Variants in WDFY3 observed in about 807,000 individuals in gnomAD.
WDFY3 encodes the protein WD repeat and FYVE domain-containing protein 3.
WDFY3 carries 66 observed loss-of-function variants against 409.6 expected under a neutral mutation model. That is an observed-to-expected ratio of 0.16 (90% CI 0.13 to 0.20). The LOEUF (loss-of-function observed/expected upper bound fraction) is 0.20. WDFY3 is among the 10% of genes least tolerant of loss of function. The pLI is 1.00. For synonymous variants in WDFY3, 1,521 were observed against 1,537.1 expected (o/e 0.99, Z 0.25); for missense variants, 3,031 against 4,298.1 (o/e 0.71, Z 8.24).
chr4:84,677,153 T>C (rs1316397570), intron 67 of WDFY3, 46 bp downstream of exon 67: 2 of 1,607,944 alleles, frequency 1.2e-6, no homozygotes, highest in Non-Finnish European at 1.7e-6. Context: ...TTAACAACCT[T>C]AGAGCTTAAT....
intron 4 of WDFY3, 40 bp from the exon 5 acceptor site, chr4:84,850,065 A>C (rs1452795331): frequency 6.5e-7 from 1 of 1,535,098 alleles, no homozygotes; most frequent in African/African-American, 1.4e-5. Context: ...AGCACTGACA[A>C]ATTTTTCTTT....
At chr4:84,789,682 C>T in intron 22 of WDFY3, 44 bp downstream of exon 22, 1 of 1,542,564 alleles carries the variant, frequency 6.5e-7, no homozygotes, top group South Asian at 1.1e-5. Flanking sequence ...CCCCAAACTA[C>T]TACCTTATAA....
chr4:84,713,050 C>T, intron 51 of WDFY3, 109 bp downstream of exon 51: 2 of 1,226,822 alleles, frequency 1.6e-6, no homozygotes, highest in Non-Finnish European at 2.3e-6. Context: ...AAAAAATTTG[C>T]AACCACCAGG....
At chr4:84,939,071 G>C (rs1304616001) in intron 1 of WDFY3, among the ~76,000 whole-genome samples, 2 of 152,124 alleles carry the variant, frequency 1.3e-5, no homozygotes, top group African/African-American at 2.4e-5. Context: ...ATCCAGTCTA[G>C]GGTCAGGTAC....
chr4:84,871,115 G>A (rs759489842), intron 3 of WDFY3, among the ~76,000 whole-genome samples: 14 of 152,188 alleles, frequency 9.2e-5, no homozygotes, highest in Middle Eastern at 3.4e-3. Context: ...CACAGATACA[G>A]GAAGCCCAGA....
chr4:84,691,968 T>C (rs902870811), intron 59 of WDFY3, among the ~76,000 whole-genome samples, 183 bp from the exon 60 acceptor site: 1 of 152,232 alleles, frequency 6.6e-6, no homozygotes, highest in Admixed American at 6.5e-5. Flanking sequence ...GGGTGGAATG[T>C]TCAACCTAAC....
chr4:84,796,740 G>A lies in WDFY3; in HGVS notation c.2948C>T (p.Thr983Ile). ...YEPEMRSSMI[T>I]SLEGLGTDNV... ...ATCAGTACCCAGACCTTCCAGAGAT[G>A]TGATCATACTACCTGTAAGTCAAGG... Residue 983 changes from threonine (T) to isoleucine (I), a missense_variant, in exon 19 of 68, where the codon ACA becomes ATA. By Grantham distance (89) the Thr-to-Ile change is moderately conservative. This residue lies in a region of WDFY3 where 1,322 missense variants were observed against 1,697.9 expected (regional missense o/e 0.78). Coordinates refer to ENST00000295888, the MANE Select transcript of WDFY3 (RefSeq NM_014991.6). The A allele has an allele frequency of 6.2e-7, 1 of 1,612,226 alleles. No homozygotes were observed. The highest frequency in any genetic ancestry group is 8.5e-7 in the Non-Finnish European group (1 of 1,178,864).
At chr4:84,868,155 G>A (rs1020657868) in intron 3 of WDFY3, among the ~76,000 whole-genome samples, 37 of 101,720 alleles carry the variant, frequency 3.6e-4, no homozygotes, top group Non-Finnish European at 5.7e-4. Flanking sequence ...CTGGGTGACA[G>A]AGCGAGACTC....
At chr4:84,896,033 G>A (rs780082541) in intron 3 of WDFY3, among the ~76,000 whole-genome samples, 15 of 151,992 alleles carry the variant, frequency 9.9e-5, no homozygotes, top group Non-Finnish European at 1.8e-4. Flanking sequence ...CGAGGGGGAC[G>A]GATCACGAGG....
At chr4:84,716,242 C>G (rs576365039) in intron 49 of WDFY3, among the ~76,000 whole-genome samples, 20 of 151,062 alleles carry the variant, frequency 1.3e-4, no homozygotes, top group Admixed American at 5.3e-4. Flanking sequence ...TCAAGACCAT[C>G]CTGGCTAACA....
chr4:84,826,018 C>T (rs1239605755), intron 10 of WDFY3, among the ~76,000 whole-genome samples: 3 of 151,978 alleles, frequency 2.0e-5, no homozygotes, highest in Non-Finnish European at 4.4e-5. Flanking sequence ...ATTTATCCTC[C>T]GACCCAAATG....
intron 2 of WDFY3, among the ~76,000 whole-genome samples, chr4:84,922,879 C>A (rs1307529855): frequency 1.3e-5 from 2 of 152,088 alleles, no homozygotes; most frequent in Non-Finnish European, 2.9e-5. Context: ...GCCACCACAC[C>A]CAGCCAAGGA....
intron 2 of WDFY3, among the ~76,000 whole-genome samples, chr4:84,922,315 C>G (rs1436758284): frequency 6.6e-6 from 1 of 152,112 alleles, no homozygotes; most frequent in Non-Finnish European, 1.5e-5. Flanking sequence ...TCTTATATTT[C>G]TTTTCCAGTT....
chr4:84,880,721 ATATAT>A (rs1763413495), intron 3 of WDFY3, among the ~76,000 whole-genome samples: 1 of 97,510 alleles, frequency 1.0e-5, no homozygotes, highest in Non-Finnish European at 2.1e-5. Flanking sequence ...ATATATATAT[ATATAT>A]GTTTTTTTGG....
chr4:84,820,277 A>G (rs1753870585), intron 11 of WDFY3, 91 bp from the exon 12 acceptor site: 1 of 1,094,820 alleles, frequency 9.1e-7, no homozygotes, highest in African/African-American at 1.6e-5. Flanking sequence ...TTATTTCTTC[A>G]GTATTCAGTT....
chr4:84,703,071 T>C (rs1731324570), intron 55 of WDFY3, among the ~76,000 whole-genome samples: 2 of 149,554 alleles, frequency 1.3e-5, no homozygotes, highest in African/African-American at 4.9e-5. Flanking sequence ...CACTCCAGCC[T>C]GGGGGATAGC....
chr4:84,727,228 T>C (rs1350585592), intron 44 of WDFY3, among the ~76,000 whole-genome samples: 1 of 151,868 alleles, frequency 6.6e-6, no homozygotes, highest in Non-Finnish European at 1.5e-5. Context: ...GGCAACTCTT[T>C]ACATTGTTTA....
chr4:84,775,819 T>C (rs1177343654), intron 27 of WDFY3, among the ~76,000 whole-genome samples: 2 of 152,024 alleles, frequency 1.3e-5, no homozygotes, highest in African/African-American at 4.8e-5. Flanking sequence ...CTGACATCTT[T>C]AATGTGTGAA....
chr4:84,803,612 T>G, intron 15 of WDFY3, 145 bp from the exon 16 acceptor site: 1 of 876,468 alleles, frequency 1.1e-6, no homozygotes. Flanking sequence ...TATTATCAAC[T>G]CGAGTTGATA....
Sources: gnomAD v4.1 joint callset for allele counts (sites outside exome capture counted in the v4.1 genomes callset) on GRCh38, gnomAD v4.1.1 for gene constraint, gnomAD v4.1.1 regional missense constraint, MANE v1.5 for transcripts, NCBI Gene and HGNC (gene_info 2026-07-23, HGNC 2026-07-21) for gene names.